The following CALN1 variants were observed in gnomAD, a reference collection of about 807,000 sequenced individuals.
The protein encoded by CALN1 is calcium-binding protein 8.
CALN1 carries 17 observed loss-of-function variants against 30.6 expected under a neutral mutation model. The observed-to-expected ratio is 0.56, with a 90% CI of 0.38 to 0.83. The LOEUF is 0.83. Among genes scored for constraint, CALN1 ranks in the 40% least tolerant of loss-of-function variants. CALN1 has a pLI of 0.00. For synonymous variants in CALN1, 156 were observed against 131.4 expected (o/e 1.19, Z -1.28); for missense variants, 291 against 354.9 (o/e 0.82, Z 1.45).
Position 72,317,053 on chromosome 7 carries a change from A to G in CALN1, c.120-38243T>C, listed in dbSNP as rs188105576. 9.3e-4 allele frequency among the ~76,000 whole-genome samples: 126 copies of G among 135,736 alleles called. 2 individuals carry two copies. Among genetic ancestry groups the G allele is most frequent in the Non-Finnish European group, 1.9e-4 (12 of 64,836 alleles). The allele number at this position is 135,736 out of a possible 152,430, so 89.0% of individuals were successfully genotyped here. A position where few individuals can be genotyped will look rare whatever the true frequency, so the allele number is the denominator to read the frequency against. ...AGGAGGAGGGAAGAGAGAGAGAGAA[A>G]GAGAGAGAGAGAAAGAGAGACACAG... On this transcript the variant is annotated intron_variant, in intron 2 of 6. Transcript: ENST00000395275.
At chr7:72,409,362 G>C (rs561792386) in intron 1 of CALN1, among the ~76,000 whole-genome samples, 82 of 151,240 alleles carry the variant, frequency 5.4e-4, no homozygotes, top group Admixed American at 1.5e-3. Flanking sequence ...AGGCCACAGA[G>C]GCTGAAATGA....
chr7:72,228,999 A>G (rs1793890310), intron 3 of CALN1, among the ~76,000 whole-genome samples: 1 of 149,740 alleles, frequency 6.7e-6, no homozygotes, highest in Non-Finnish European at 1.5e-5. Flanking sequence ...GCTGGTCTTG[A>G]ACTCCTGGGC....
intron 3 of CALN1, among the ~76,000 whole-genome samples, chr7:72,216,186 G>T (rs773468319): frequency 1.3e-5 from 2 of 152,052 alleles, no homozygotes; most frequent in Non-Finnish European, 2.9e-5. Context: ...AGGCTGATGG[G>T]GGAGGACTGC....
chr7:71,967,625 CAA>C (rs761089148), intron 5 of CALN1, among the ~76,000 whole-genome samples: 17 of 70,310 alleles, frequency 2.4e-4, no homozygotes, highest in Non-Finnish European at 4.3e-4. Context: ...GACCCTGTTT[CAA>C]AAAAAAAAAA....
intron 2 of CALN1, among the ~76,000 whole-genome samples, chr7:72,372,551 G>A (rs1205515794): frequency 6.6e-6 from 1 of 152,162 alleles, no homozygotes; most frequent in African/African-American, 2.4e-5. Context: ...TCAATTTCAT[G>A]AGTATATTGA....
intron 4 of CALN1, among the ~76,000 whole-genome samples, chr7:72,034,240 G>T (rs1167993648): frequency 2.0e-5 from 3 of 151,730 alleles, no homozygotes; most frequent in Non-Finnish European, 2.9e-5. Flanking sequence ...TGTAGTCCCA[G>T]CTACTGGGGA....
At chr7:72,403,230 G>C in intron 2 of CALN1, 21 bp downstream of exon 2, 2 of 1,540,934 alleles carry the variant, frequency 1.3e-6, no homozygotes, top group Non-Finnish European at 1.8e-6. Context: ...AGGTCCTTGG[G>C]TTTGGGGGAA....
chr7:72,255,795 A>G (rs1350797234), intron 3 of CALN1, among the ~76,000 whole-genome samples: 1 of 150,900 alleles, frequency 6.6e-6, no homozygotes, highest in Non-Finnish European at 1.5e-5. Flanking sequence ...CAGTGGCGCA[A>G]TCTCGGCTCA....
At chr7:71,973,978 C>T (rs572240108) in intron 5 of CALN1, among the ~76,000 whole-genome samples, 9 of 152,238 alleles carry the variant, frequency 5.9e-5, no homozygotes, top group African/African-American at 2.2e-4. Flanking sequence ...TGTAATAAAG[C>T]CCCATTTCTT....
At chr7:72,109,947 A>G (rs1563066735) in intron 3 of CALN1, among the ~76,000 whole-genome samples, 1 of 152,200 alleles carries the variant, frequency 6.6e-6, no homozygotes, top group Admixed American at 6.5e-5. Flanking sequence ...AGGACATACG[A>G]TGCAACAGTA....
chr7:72,418,832 G>A (rs893077229), intron 1 of CALN1, among the ~76,000 whole-genome samples: 17 of 151,942 alleles, frequency 1.1e-4, no homozygotes, highest in Non-Finnish European at 8.8e-5. Context: ...GCAACATGGC[G>A]AGACCCCGTC....
At chr7:72,079,698 A>C (rs1804986945) in intron 4 of CALN1, among the ~76,000 whole-genome samples, 1 of 149,410 alleles carries the variant, frequency 6.7e-6, no homozygotes, top group Non-Finnish European at 1.5e-5. Context: ...ACCAGTTCAG[A>C]CTCACTGAAA....
intron 3 of CALN1, among the ~76,000 whole-genome samples, chr7:72,152,304 G>C (rs750601050): frequency 5.3e-5 from 8 of 152,146 alleles, no homozygotes; most frequent in Non-Finnish European, 1.0e-4. Flanking sequence ...AAACAAAACA[G>C]GATGTTCTGT....
At chr7:72,165,307 T>C (rs904146899) in intron 3 of CALN1, among the ~76,000 whole-genome samples, 5 of 152,024 alleles carry the variant, frequency 3.3e-5, no homozygotes, top group African/African-American at 1.2e-4. Flanking sequence ...TTCTGTAATC[T>C]CAGCACTTTG....
At chr7:72,036,034 A>G (rs150633544) in intron 4 of CALN1, among the ~76,000 whole-genome samples, 134 of 152,370 alleles carry the variant, frequency 8.8e-4, no homozygotes, top group African/African-American at 3.1e-3. Context: ...AAGTCTAGTC[A>G]TAACAAACTC....
At chr7:72,479,572 A>ATTT in the CALN1 span, among the ~76,000 whole-genome samples, 1 of 92,106 alleles carries the variant, frequency 1.1e-5, no homozygotes, top group African/African-American at 6.1e-5. Flanking sequence ...TTTTTTTTTG[A>ATTT]GATGGAGTCC....
chr7:71,979,923 GCT>G (rs1013502140), intron 5 of CALN1, among the ~76,000 whole-genome samples: 4 of 132,334 alleles, frequency 3.0e-5, no homozygotes, highest in African/African-American at 1.1e-4. Context: ...TGTTGCCCAA[GCT>G]GGAGTGCAGT....
intron 3 of CALN1, among the ~76,000 whole-genome samples, chr7:72,268,012 T>A (rs1271722890): frequency 1.3e-5 from 2 of 152,102 alleles, no homozygotes; most frequent in African/African-American, 4.8e-5. Context: ...GTCTTTAAAA[T>A]TTTTTAAATA....
At chr7:72,256,056 A>G (rs1312346614) in intron 3 of CALN1, among the ~76,000 whole-genome samples, 1 of 152,214 alleles carries the variant, frequency 6.6e-6, no homozygotes. Flanking sequence ...GGAGAGATAT[A>G]CGGAAGCGAT....
Sources: allele counts gnomAD v4.1 joint callset (sites outside exome capture counted in the v4.1 genomes callset), GRCh38; gene constraint gnomAD v4.1.1; transcripts MANE v1.5; gene names NCBI Gene and HGNC (gene_info 2026-07-23, HGNC 2026-07-21).